CETN2: variants seen among roughly 807,000 people sequenced by gnomAD.
CETN2 encodes the protein centrin 2.
Under a neutral mutation model 12.6 loss-of-function variants are expected in CETN2, and 2 were observed. That is an observed-to-expected ratio of 0.16 (90% CI 0.07 to 0.50). The LOEUF is 0.50. CETN2 is among the 20% of genes least tolerant of loss of function. The pLI, the probability that CETN2 is intolerant of heterozygous loss-of-function variation, is 0.96. For missense variants in CETN2, 81 were observed against 128.3 expected, an observed-to-expected ratio of 0.63 and a Z score of 1.78; for synonymous variants, 41 against 43.4, an observed-to-expected ratio of 0.94 and a Z score of 0.22.
intron 3 of CETN2, 179 bp downstream of exon 3, chrX:152,828,970 A>C: frequency 3.9e-6 from 2 of 512,070 alleles, no homozygotes; most frequent in Non-Finnish European, 6.5e-6. Context: ...GGAAGTCTTG[A>C]GAAAGAAGCA....
chrX:152,830,624 C>T, intron 1 of CETN2, 84 bp downstream of exon 1: 1 of 1,083,326 alleles, frequency 9.2e-7, no homozygotes, highest in Non-Finnish European at 1.2e-6. Flanking sequence ...CCGAGAAAGG[C>T]GCAGGAGAGG....
intron 2 of CETN2, 151 bp downstream of exon 2, chrX:152,829,451 G>C: frequency 1.1e-6 from 1 of 892,770 alleles, no homozygotes; most frequent in Non-Finnish European, 1.6e-6. Flanking sequence ...AATACTCAAA[G>C]TAAGTAAAGA....
At chrX:152,830,047 A>G (rs1024569710) in intron 1 of CETN2, among the ~76,000 whole-genome samples, 2 of 111,945 alleles carry the variant, frequency 1.8e-5, no homozygotes, top group Non-Finnish European at 3.8e-5. Flanking sequence ...AGTCAAGAAG[A>G]TGACTGTGAA....
In CETN2 at chrX:152,827,995, C is replaced by CG. The variant is rs376806188; in HGVS notation, c.430-66_430-65insC. The CG allele has an allele frequency of 2.1e-3, 1,615 of 769,799 alleles. 11 individuals carry two copies. In the African/African-American group the frequency reaches 0.031, roughly 15 times the overall value. The allele number at this position is 769,799 out of a possible 1,213,427, so 63.4% of individuals were successfully genotyped here. ...TGCCAAAAGGTGACTAAGTAATAGACTTTTTTTTTTTTAGAGATGGGGTCT... is the reference window on the plus strand; with the variant it reads ...TGCCAAAAGGTGACTAAGTAATAGACGTTTTTTTTTTTTAGAGATGGGGTCT... On this transcript the variant is annotated intron_variant, in intron 4 of 4. Coordinates refer to ENST00000370277, the MANE Select transcript of CETN2 (RefSeq NM_004344.3).
chrX:152,829,459 A>C (rs1602914901), intron 2 of CETN2, 143 bp downstream of exon 2: 13 of 903,653 alleles, frequency 1.4e-5, no homozygotes, highest in African/African-American at 9.9e-5. Context: ...AAGTAAGTAA[A>C]GACAGGAAAA....
intron 2 of CETN2, 135 bp downstream of exon 2, chrX:152,829,467 A>C: frequency 1.1e-6 from 1 of 911,775 alleles, no homozygotes; most frequent in Non-Finnish European, 1.5e-6. Context: ...AAAGACAGGA[A>C]AACAGCACAG....
chrX:152,828,525 T>C lies in CETN2; in HGVS notation c.429+12A>G, dbSNP rs1463923349. 4 of 1,203,503 alleles carry C rather than the reference T, an allele frequency of 3.3e-6. No homozygotes were observed. The highest frequency in any genetic ancestry group is 4.5e-6 in the Non-Finnish European group (4 of 892,452). ...GTGGGAATTTTAAGTTCCAGTGTGA[T>C]GCATTACAAACCTGCAGCTCCTCAT... On this transcript the variant is annotated intron_variant, in intron 4 of 4. Coordinates refer to ENST00000370277, the MANE Select transcript of CETN2 (RefSeq NM_004344.3).
Position 152,827,988 on chromosome X carries a change from T to C in CETN2, c.430-58A>G. On this transcript the variant is annotated intron_variant, in intron 4 of 4. Coordinates refer to ENST00000370277, the MANE Select transcript of CETN2 (RefSeq NM_004344.3). ...AAACTAATGCCAAAAGGTGACTAAG[T>C]AATAGACTTTTTTTTTTTTAGAGAT... 4 of 991,323 alleles carry C rather than the reference T, an allele frequency of 4.0e-6. No homozygotes were observed. The South Asian group carries it at 8.5e-5, about 21-fold the overall frequency. 81.7% of individuals were successfully genotyped at this position (991,323 alleles called of 1,213,427 possible).
Position 152,827,637 on chromosome X carries a change from T to C in CETN2, c.*204A>G. ...GTGCTCTTGTTTTGCTTTTGAGAAT[T>C]AGGGTAATTCGCAGGTCATTTTACA... On this transcript the variant is annotated 3_prime_UTR_variant, in exon 5 of 5. Transcript: ENST00000370277. 2.9e-6 allele frequency: 1 copy of C among 347,666 alleles called. No homozygotes were observed. The highest frequency in any genetic ancestry group is 5.0e-6 in the Non-Finnish European group (1 of 198,428). 28.7% of individuals were successfully genotyped at this position (347,666 alleles called of 1,213,427 possible).
intron 1 of CETN2, 64 bp downstream of exon 1, chrX:152,830,644 C>A: frequency 8.7e-7 from 1 of 1,146,487 alleles, no homozygotes; most frequent in Non-Finnish European, 1.2e-6. Context: ...GCGGCGTGGC[C>A]GAGCTGGGGC....
intron 4 of CETN2, among the ~76,000 whole-genome samples, chrX:152,828,318 G>T (rs1556842903): frequency 8.9e-6 from 1 of 111,841 alleles, no homozygotes; most frequent in South Asian, 3.8e-4. Context: ...GGGATTCCTG[G>T]AACCTAAAAT....
intron 4 of CETN2, 53 bp from the exon 5 acceptor site, chrX:152,827,983 C>T: frequency 9.8e-7 from 1 of 1,018,509 alleles, no homozygotes; most frequent in Non-Finnish European, 1.4e-6. Context: ...CAAAAGGTGA[C>T]TAAGTAATAG....
chrX:152,827,992 A>C, intron 4 of CETN2, 62 bp from the exon 5 acceptor site: 1 of 972,983 alleles, frequency 1.0e-6, no homozygotes, highest in Non-Finnish European at 1.4e-6. Flanking sequence ...ACTAAGTAAT[A>C]GACTTTTTTT....
intron 3 of CETN2, 156 bp from the exon 4 acceptor site, chrX:152,828,830 G>T: frequency 1.8e-6 from 1 of 556,415 alleles, no homozygotes; most frequent in Non-Finnish European, 2.8e-6. Flanking sequence ...GCCCATTTTG[G>T]CCTCAAAGAA....
intron 1 of CETN2, 33 bp downstream of exon 1, chrX:152,830,675 G>C (rs782188193): frequency 8.5e-7 from 1 of 1,175,114 alleles, no homozygotes; most frequent in Admixed American, 2.4e-5. Flanking sequence ...CTCAGCCGCT[G>C]GGCGTGGGGC....
At chrX:152,827,995 C>CTTTT in intron 4 of CETN2, 65 bp from the exon 5 acceptor site, 3 of 772,078 alleles carry the variant, frequency 3.9e-6, no homozygotes, top group South Asian at 2.7e-5. Context: ...AAGTAATAGA[C>CTTTT]TTTTTTTTTT....
rs1295857361 is a variant in CETN2 at position 152,827,763 on chromosome X, TC to T, written c.*77del. 1.1e-6 allele frequency: 1 copy of T among 910,496 alleles called. No individual in the cohort carries two copies. Among genetic ancestry groups the T allele is most frequent in the African/African-American group, 1.9e-5 (1 of 51,517 alleles). The allele number at this position is 910,496 out of a possible 1,213,427, so 75.0% of individuals were successfully genotyped here. ...GTCCGTGGGGGAAAAGTTTGTGTTC[TC>T]AAAAGCCAGATTTCACACCATGGCA... is the stretch of plus-strand genomic sequence containing the variant. On this transcript the variant is annotated 3_prime_UTR_variant, in exon 5 of 5. Transcript: ENST00000370277.
At position 152,827,246 on chromosome X, in the gene CETN2, C is replaced by G. The variant is rs1317435896; in HGVS notation, c.*595G>C. ...CATAGGCTGGTAAGGAGTTTTGTAT[C>G]TAATAGGCTGCCTTCAACACAATAA... On this transcript the variant is annotated 3_prime_UTR_variant, in exon 5 of 5. Transcript: ENST00000370277. The G allele has an allele frequency of 8.9e-6, 1 of 112,476 alleles. No homozygotes were observed. Among genetic ancestry groups the G allele is most frequent in the Non-Finnish European group, 1.9e-5 (1 of 53,329 alleles). The allele number at this position is 112,476 out of a possible 1,213,427, so 9.3% of individuals were successfully genotyped here.
Position 152,828,570 on chromosome X carries a change from C to T in CETN2, c.396G>A (p.Glu132=). 8.3e-7 allele frequency: 1 copy of T among 1,211,760 alleles called. No individual in the cohort carries two copies. The highest frequency in any genetic ancestry group is 1.1e-6 in the Non-Finnish European group (1 of 895,382). Residue 132 remains glutamate, a synonymous_variant, in exon 4 of 5, where the codon GAG becomes GAA. Coordinates refer to ENST00000370277, the MANE Select transcript of CETN2 (RefSeq NM_004344.3). ...CCTCATCAGTCAGGTTCTCACCCAA[C>T]TCCTTGGCCACGCGTTTCAGATTTT... ...SFKNLKRVAK[E]LGENLTDEEL...
Sources: gnomAD v4.1 joint callset for allele counts (sites outside exome capture counted in the v4.1 genomes callset) on GRCh38, gnomAD v4.1.1 for gene constraint, MANE v1.5 for transcripts, NCBI Gene and HGNC (gene_info 2026-07-23, HGNC 2026-07-21) for gene names.